Variants in SYNPR observed in about 807,000 individuals in gnomAD.
SYNPR encodes the protein synaptoporin.
In SYNPR, 23 loss-of-function variants were observed where a neutral mutation model predicts 32.9. That is an observed-to-expected ratio of 0.70 (90% CI 0.50 to 0.99). The LOEUF (loss-of-function observed/expected upper bound fraction) is 0.99, where lower values mean the gene tolerates loss of function less well. Among genes scored for constraint, SYNPR ranks in the 50% least tolerant of loss-of-function variants. The probability of loss-of-function intolerance (pLI) is 0.00; values close to 1 mark genes in which losing one functional copy is unlikely to be tolerated. For missense variants in SYNPR, 318 were observed against 349.3 expected, an observed-to-expected ratio of 0.91 and a Z score of 0.71; for synonymous variants, 146 against 135.9, an observed-to-expected ratio of 1.07 and a Z score of -0.52.
chr3:63,450,315 T>C (rs1575650419), intron 2 of SYNPR, among the ~76,000 whole-genome samples: 1 of 152,280 alleles, frequency 6.6e-6, no homozygotes, highest in East Asian at 1.9e-4. Context: ...AGGAAGCAGA[T>C]AACACCTTCA....
At chr3:63,440,682 G>C (rs1178391428) in intron 2 of SYNPR, among the ~76,000 whole-genome samples, 6 of 152,190 alleles carry the variant, frequency 3.9e-5, no homozygotes, top group African/African-American at 1.4e-4. Context: ...AGTTGACCCA[G>C]AAAGCCCTTT....
chr3:63,423,695 G>C (rs1218953836), intron 2 of SYNPR: 1 of 152,254 alleles, frequency 6.6e-6, no homozygotes, highest in Admixed American at 6.5e-5. Flanking sequence ...TCTGGATGTT[G>C]TTAGAGGTCA....
rs577554153 is a variant in SYNPR, at chr3:63,586,585, G to A, written c.409-22540G>A. 6.7e-4 allele frequency among the ~76,000 whole-genome samples: 102 copies of A among 151,428 alleles called. 2 individuals are homozygous for A. In the South Asian group the frequency reaches 0.021, roughly 31 times the overall value. The stretch of plus-strand genomic sequence containing the variant: ...TTTAAGAAACATGCCGATATTTGAG[G>A]CCTAATGATTTTTCCTTTAAGCGTC... On this transcript the variant is annotated intron_variant, in intron 4 of 5. Coordinates refer to ENST00000478300, the MANE Select transcript of SYNPR (RefSeq NM_001130003.2).
At position 63,403,427 on chromosome 3, in the gene SYNPR, C is replaced by T. The variant is rs145166398; in HGVS notation, c.85-77405C>T. 3.8e-4 allele frequency among the ~76,000 whole-genome samples: 53 copies of T among 140,286 alleles called. 1 individual carries two copies. Among genetic ancestry groups the T allele is most frequent in the Non-Finnish European group, 4.6e-4 (30 of 65,854 alleles). 92.0% of individuals were successfully genotyped at this position (140,286 alleles called of 152,430 possible). ...ATACACACACACACACATTCTCATA[C>T]GTATGTATACACATACACACACACA... On this transcript the variant is annotated intron_variant, in intron 2 of 5. Coordinates refer to ENST00000478300, the MANE Select transcript of SYNPR (RefSeq NM_001130003.2).
In SYNPR at chr3:63,615,730, C is replaced by A. The variant is rs1700269958; in HGVS notation, c.*249C>A. 1 of 392,852 alleles carries A rather than the reference C, an allele frequency of 2.5e-6. No individual in the cohort carries two copies. Among genetic ancestry groups the A allele is most frequent in the Non-Finnish European group, 4.5e-6 (1 of 222,630 alleles). The allele number at this position is 392,852 out of a possible 1,614,324, so 24.3% of individuals were successfully genotyped here. A position where few individuals can be genotyped will look rare whatever the true frequency, so the allele number is the denominator to read the frequency against. ...GAGTACCTTGTTATATATACAGATA[C>A]TTTCATGGTCATTTTGTATGTATGT... On this transcript the variant is annotated 3_prime_UTR_variant, in exon 6 of 6. Coordinates refer to ENST00000478300, the MANE Select transcript of SYNPR (RefSeq NM_001130003.2).
chr3:63,402,857 C>A lies in SYNPR; in HGVS notation c.85-77975C>A, dbSNP rs373749383. Among the ~76,000 whole-genome samples the A allele has an allele frequency of 3.3e-5, 5 of 152,144 alleles. No homozygotes were observed. In the East Asian group the frequency reaches 9.6e-4, roughly 29 times the overall value. ...AGTCATTGCAAGTGTGATGGTGATG[C>A]AAGTGTGGAAGTACCAGGTGCTGTG... is the stretch of plus-strand genomic sequence containing the variant. On this transcript the variant is annotated intron_variant, in intron 2 of 5. Coordinates refer to ENST00000478300, the MANE Select transcript of SYNPR (RefSeq NM_001130003.2).
chr3:63,333,415 G>C (rs752418957), intron 2 of SYNPR, among the ~76,000 whole-genome samples: 2 of 151,940 alleles, frequency 1.3e-5, no homozygotes, highest in African/African-American at 2.4e-5. Flanking sequence ...ATTTGAACAG[G>C]GGGAATTTCT....
At chr3:63,565,809 T>A (rs1044420073) in intron 4 of SYNPR, among the ~76,000 whole-genome samples, 3 of 152,208 alleles carry the variant, frequency 2.0e-5, no homozygotes, top group African/African-American at 7.2e-5. Flanking sequence ...TTTCTCTGAA[T>A]AATTCTACTT....
intron 3 of SYNPR, among the ~76,000 whole-genome samples, chr3:63,510,565 T>C (rs115772909): frequency 0.012 from 1,804 of 152,264 alleles, 39 homozygotes; most frequent in African/African-American, 0.041. Flanking sequence ...CCCACTGCAA[T>C]TTTTTGACAT....
intron 2 of SYNPR, among the ~76,000 whole-genome samples, chr3:63,416,302 G>C (rs1208668264): frequency 6.6e-6 from 1 of 152,158 alleles, no homozygotes; most frequent in Non-Finnish European, 1.5e-5. Context: ...AGGCCAAGGA[G>C]GGTGGATCAC....
intron 3 of SYNPR, among the ~76,000 whole-genome samples, chr3:63,515,118 G>T (rs551185258): frequency 3.3e-5 from 5 of 152,188 alleles, no homozygotes; most frequent in South Asian, 2.1e-4. Flanking sequence ...TATTCCAGCA[G>T]CTTCCCTTTC....
chr3:63,207,740 A>G, the SYNPR span, among the ~76,000 whole-genome samples: 1 of 152,170 alleles, frequency 6.6e-6, no homozygotes. Context: ...TAACCCCAAT[A>G]ACAGAAAATC....
chr3:63,362,634 A>C (rs71298649), intron 2 of SYNPR, among the ~76,000 whole-genome samples: 20,590 of 152,182 alleles, frequency 0.14, 2,155 homozygotes, highest in East Asian at 0.57. Context: ...CAATGACTGT[A>C]TAATCACAGT....
At chr3:63,531,496 C>G (rs1227509084) in intron 3 of SYNPR, among the ~76,000 whole-genome samples, 4 of 152,168 alleles carry the variant, frequency 2.6e-5, no homozygotes, top group African/African-American at 9.7e-5. Context: ...TTACATCTGT[C>G]ACATTAGGTT....
intron 2 of SYNPR, among the ~76,000 whole-genome samples, chr3:63,258,086 C>G (rs1246162855): frequency 2.0e-5 from 3 of 152,056 alleles, no homozygotes; most frequent in Non-Finnish European, 4.4e-5. Flanking sequence ...CCTTAGAGAC[C>G]TAGAAAGAGA....
At chr3:63,416,227 A>T (rs2088536484) in intron 2 of SYNPR, among the ~76,000 whole-genome samples, 1 of 152,182 alleles carries the variant, frequency 6.6e-6, no homozygotes, top group Admixed American at 6.5e-5. Flanking sequence ...CCATACACAG[A>T]ATCTGGATCA....
chr3:63,259,645 T>A (rs1575578695), intron 2 of SYNPR, among the ~76,000 whole-genome samples: 1 of 152,290 alleles, frequency 6.6e-6, no homozygotes, highest in Non-Finnish European at 1.5e-5. Flanking sequence ...CTGGAAGAAT[T>A]CCCTTTGAAA....
chr3:63,511,135 AT>A (rs1701691445), intron 3 of SYNPR, among the ~76,000 whole-genome samples: 1 of 58,944 alleles, frequency 1.7e-5, no homozygotes, highest in Non-Finnish European at 4.5e-5. Flanking sequence ...GGTATTGGGA[AT>A]CATGGACCCT....
Position 63,257,665 on chromosome 3 carries a change from G to C in SYNPR, n.154+5079G>C, listed in dbSNP as rs532347279. 1.1e-4 allele frequency among the ~76,000 whole-genome samples: 17 copies of C among 152,172 alleles called. No individual in the cohort carries two copies. In the East Asian group the frequency reaches 2.9e-3, roughly 26 times the overall value. On this transcript the variant is annotated intron_variant and non_coding_transcript_variant, in intron 2 of 4. Transcript: ENST00000478456. ...CTAGGAAGAAACTGCATCAACTAAT[G>C]AGCAAAATAACCAGCTAACATCATA...
Sources: gnomAD v4.1 joint callset for allele counts (sites outside exome capture counted in the v4.1 genomes callset) on GRCh38, gnomAD v4.1.1 for gene constraint, MANE v1.5 for transcripts, NCBI Gene and HGNC (gene_info 2026-07-23, HGNC 2026-07-21) for gene names.